Variants in QDPR observed in about 807,000 individuals in gnomAD.
QDPR encodes the protein quinoid dihydropteridine reductase.
QDPR carries 23 observed loss-of-function variants against 31.7 expected under a neutral mutation model. That is an observed-to-expected ratio of 0.73 (90% CI 0.52 to 1.03). The LOEUF is 1.03. Ranked by LOEUF, QDPR falls within the 50% of genes least tolerant of loss-of-function variation. The pLI, the probability that QDPR is intolerant of heterozygous loss-of-function variation, is 0.00. For missense variants in QDPR, 324 were observed against 323.8 expected (o/e 1.00, Z 0.00); for synonymous variants, 124 against 124.7 (o/e 0.99, Z 0.03).
At chr4:17,508,215 T>A (rs1167136975) in intron 2 of QDPR, among the ~76,000 whole-genome samples, 1 of 152,174 alleles carries the variant, frequency 6.6e-6, no homozygotes, top group Non-Finnish European at 1.5e-5. Flanking sequence ...GGTGGGTGGA[T>A]AACTTGAGGT....
At chr4:17,509,825 C>T (rs1718940908) in intron 1 of QDPR, 1 of 386,652 alleles carries the variant, frequency 2.6e-6, no homozygotes, top group African/African-American at 2.1e-5. Context: ...GCCCTCCTAC[C>T]TCCAAACACT....
intron 1 of QDPR, 103 bp from the exon 2 acceptor site, chr4:17,509,466 T>C (rs1718919534): frequency 9.9e-7 from 1 of 1,008,554 alleles, no homozygotes; most frequent in Non-Finnish European, 1.5e-6. Context: ...GTGGTTCACG[T>C]CTGTAATGCC....
At chr4:17,508,120 C>T (rs1421911175) in intron 2 of QDPR, among the ~76,000 whole-genome samples, 2 of 152,306 alleles carry the variant, frequency 1.3e-5, no homozygotes, top group East Asian at 3.9e-4. Flanking sequence ...GGTAACTCCA[C>T]TTTTTAGAAT....
intron 3 of QDPR, 98 bp downstream of exon 3, chr4:17,504,281 C>CA (rs1718674446): frequency 4.9e-6 from 5 of 1,019,470 alleles, no homozygotes; most frequent in South Asian, 2.6e-5. Context: ...GGGATATACA[C>CA]AAAAAAACAG....
intron 4 of QDPR, among the ~76,000 whole-genome samples, chr4:17,496,156 C>A (rs1718343236): frequency 6.6e-6 from 1 of 152,034 alleles, no homozygotes; most frequent in African/African-American, 2.4e-5. Context: ...AATGAAAAAA[C>A]AAACTGGGGC....
intron 1 of QDPR, chr4:17,510,016 A>C (rs191509722): frequency 6.6e-6 from 3 of 455,862 alleles, no homozygotes; most frequent in East Asian, 1.4e-4. Flanking sequence ...AGGGGGAAAA[A>C]ATAAGTGCAG....
chr4:17,501,722 G>C lies in QDPR; in HGVS notation c.433C>G (p.Pro145Ala). 1 of 1,613,994 alleles carries C rather than the reference G, an allele frequency of 6.2e-7. No homozygotes were observed. The highest frequency in any genetic ancestry group is 8.5e-7 in the Non-Finnish European group (1 of 1,180,014). The change falls in exon 4 of 7, where the codon CCT becomes GCT. Residue 145 changes from proline (P) to alanine (A), a missense_variant. Pro to Ala is a conservative substitution (Grantham distance 27). Transcript: ENST00000281243. ...AGATAGGGAAATAAAGGCTTACCAG[G>C]AGTCCCATCCAGGGCAGCCTTTGCG... ...AGAKAALDGT[P>A]GMIGYGMAKG...
intron 4 of QDPR, among the ~76,000 whole-genome samples, chr4:17,499,775 C>G (rs1391367027): frequency 6.6e-6 from 1 of 152,088 alleles, no homozygotes; most frequent in African/African-American, 2.4e-5. Context: ...CAAAAATTAG[C>G]CAGGCATGGC....
At chr4:17,488,318 C>CA in intron 6 of QDPR, among the ~76,000 whole-genome samples, 1 of 151,994 alleles carries the variant, frequency 6.6e-6, no homozygotes, top group Admixed American at 6.6e-5. Flanking sequence ...GAGAGAGACA[C>CA]ATGCACAATA....
intron 1 of QDPR, among the ~76,000 whole-genome samples, chr4:17,509,720 A>T (rs1158223441): frequency 6.7e-6 from 1 of 150,006 alleles, no homozygotes; most frequent in African/African-American, 2.4e-5. Context: ...CCATTTAAAT[A>T]AAAGAAAAAG....
chr4:17,507,607 T>C (rs1718834742), intron 2 of QDPR, among the ~76,000 whole-genome samples: 1 of 151,730 alleles, frequency 6.6e-6, no homozygotes. Flanking sequence ...TCTTTCTTTT[T>C]TTTTTTTTTG....
At chr4:17,488,283 A>G (rs924305674) in intron 6 of QDPR, among the ~76,000 whole-genome samples, 7 of 152,130 alleles carry the variant, frequency 4.6e-5, no homozygotes, top group Admixed American at 3.9e-4. Flanking sequence ...AATTGTTTTT[A>G]AAGATTTTAA....
chr4:17,490,851 G>A, intron 5 of QDPR, 106 bp from the exon 6 acceptor site: 1 of 798,358 alleles, frequency 1.3e-6, no homozygotes, highest in South Asian at 1.4e-5. Context: ...GGACAACCTA[G>A]AGCCTCTGGC....
rs1051276249 is a variant in QDPR, at chr4:17,501,958, G to C, written c.296-99C>G. ...CACACTCAGGGAGGCCCTCCCTCCT[G>C]GTCCCCAGGTCCCTATCTACAGCAA... On this transcript the variant is annotated intron_variant, in intron 3 of 6. Coordinates refer to ENST00000281243, the MANE Select transcript of QDPR (RefSeq NM_000320.3). The C allele has an allele frequency of 4.9e-6, 7 of 1,423,648 alleles. No homozygotes were observed. The African/African-American group carries it at 9.8e-5, about 20-fold the overall frequency. 88.2% of individuals were successfully genotyped at this position (1,423,648 alleles called of 1,614,324 possible). A position where few individuals can be genotyped will look rare whatever the true frequency, so the allele number is the denominator to read the frequency against.
Position 17,498,206 on chromosome 4 carries a change from G to A in QDPR, c.436+3513C>T, listed in dbSNP as rs577680496. Among the ~76,000 whole-genome samples, 11 of 152,286 alleles carry A rather than the reference G, an allele frequency of 7.2e-5. No homozygotes were observed. In the South Asian group the frequency reaches 8.3e-4, roughly 11 times the overall value. On this transcript the variant is annotated intron_variant, in intron 4 of 6. Transcript: ENST00000281243. ...AAGATGTAATTGCTGTGGAGGCATC[G>A]CAAGTCCAGCGGGAGGTGGGGGGAT...
intron 6 of QDPR, 118 bp from the exon 7 acceptor site, chr4:17,487,354 T>A: frequency 1.3e-6 from 1 of 778,544 alleles, no homozygotes; most frequent in Non-Finnish European, 2.2e-6. Flanking sequence ...AGCGACTGTT[T>A]AAAAGCCACT....
chr4:17,509,517 A>T (rs1718922746), intron 1 of QDPR, among the ~76,000 whole-genome samples, 154 bp from the exon 2 acceptor site: 1 of 151,846 alleles, frequency 6.6e-6, no homozygotes, highest in Non-Finnish European at 1.5e-5. Flanking sequence ...CTTGAGGCCA[A>T]GAGTTTGAGA....
chr4:17,501,021 T>G (rs1458447248), intron 4 of QDPR, among the ~76,000 whole-genome samples: 1 of 152,244 alleles, frequency 6.6e-6, no homozygotes, highest in Non-Finnish European at 1.5e-5. Context: ...ATGTGCACTT[T>G]CTACATAGCT....
chr4:17,490,672 A>T lies in QDPR; in HGVS notation c.619T>A (p.Phe207Ile). The T allele has an allele frequency of 5.0e-6, 8 of 1,613,362 alleles. No individual in the cohort carries two copies. Among genetic ancestry groups the T allele is most frequent in the Non-Finnish European group, 6.8e-6 (8 of 1,179,306 alleles). Reference protein sequence around the residue: ...ADFSSWTPLEFLVETFHDWIT... With the variant: ...ADFSSWTPLEILVETFHDWIT... ...GTCTGTAATACTCACTCAACTAGGA[A>T]TTCTAAGGGTGTCCAGGAGCTGAAG... The change falls in exon 6 of 7, where the codon TTC becomes ATC. Residue 207 changes from phenylalanine (F) to isoleucine (I), a missense_variant. Transcript: ENST00000281243.
Sources: allele counts gnomAD v4.1 joint callset (sites outside exome capture counted in the v4.1 genomes callset), GRCh38; gene constraint gnomAD v4.1.1; transcripts MANE v1.5; gene names NCBI Gene and HGNC (gene_info 2026-07-23, HGNC 2026-07-21).